MFAP1: variants seen among roughly 807,000 people sequenced by gnomAD.
MFAP1 encodes microfibrillar-associated protein 1.
A neutral mutation model predicts 62.2 loss-of-function variants in MFAP1; 18 were observed. That is an observed-to-expected ratio of 0.29 (90% CI 0.20 to 0.43). The LOEUF is 0.43. MFAP1 is among the 20% of genes least tolerant of loss of function. The pLI is 1.00. For missense variants in MFAP1, 355 were observed against 559.7 expected (o/e 0.63, Z 3.69); for synonymous variants, 175 against 180.4 (o/e 0.97, Z 0.24).
rs1341866372 is a variant in MFAP1 at position 43,814,545 on chromosome 15, ACTGT to A, written c.569_572del (p.Asp190ValfsTer20). 1.2e-6 allele frequency: 2 copies of A among 1,613,510 alleles called. No individual in the cohort carries two copies. The highest frequency in any genetic ancestry group is 1.1e-5 in the South Asian group (1 of 90,974). ...TAAGGCGAGGCTCCATCTCATCTTC[ACTGT>A]CTGTGTACTCTTCATACTCAGACTC... On this transcript the variant is annotated frameshift_variant, in exon 4 of 9. Coordinates refer to ENST00000267812, the MANE Select transcript of MFAP1 (RefSeq NM_005926.3). LOFTEE classifies it high-confidence loss of function.
rs2087440109 is a variant in MFAP1 at position 43,817,369 on chromosome 15, T to C, written c.159A>G (p.Ser53=). The change falls in exon 2 of 9, where the codon TCA becomes TCG. Residue 53 remains serine, a synonymous_variant. Transcript: ENST00000267812. ...ACTGAAATTCTTCATCCTCCTCATC[T>C]GAGGACTCCATAGGGGCATAGTCTG... The part of the protein sequence containing the change: ...KRPDYAPMES[S]DEEDEEFQFI... 6.2e-7 allele frequency: 1 copy of C among 1,614,188 alleles called. No individual in the cohort carries two copies. Among genetic ancestry groups the C allele is most frequent in the Non-Finnish European group, 8.5e-7 (1 of 1,180,028 alleles).
At chr15:43,824,315 A>AG (rs1187546980) in intron 1 of MFAP1, among the ~76,000 whole-genome samples, 176 bp downstream of exon 1, 1 of 152,018 alleles carries the variant, frequency 6.6e-6, no homozygotes, top group Non-Finnish European at 1.5e-5. Context: ...TGAATACGAG[A>AG]GCAGGCCACA....
rs1366593790 is a variant in MFAP1, at chr15:43,814,122, G to A, written c.617+379C>T. 3.3e-5 allele frequency among the ~76,000 whole-genome samples: 5 copies of A among 152,092 alleles called. No individual in the cohort carries two copies. The East Asian group carries it at 5.8e-4, about 18-fold the overall frequency. On this transcript the variant is annotated intron_variant, in intron 4 of 8. Coordinates refer to ENST00000267812, the MANE Select transcript of MFAP1 (RefSeq NM_005926.3). The stretch of plus-strand genomic sequence containing the variant: ...TACAAAATTAGCCAGGCGTGGTGGC[G>A]CATGCCTGTAATCCCAGCTACTCGG...
Position 43,804,527 on chromosome 15 carries a change from A to G in MFAP1, c.*567T>C, listed in dbSNP as rs1241807799. The stretch of plus-strand genomic sequence containing the variant: ...TTGTTATCTTTTACTTTAATAGGCA[A>G]TTAATACTTGTCAGCTTGGACATTT... On this transcript the variant is annotated 3_prime_UTR_variant, in exon 9 of 9. Coordinates refer to ENST00000267812, the MANE Select transcript of MFAP1 (RefSeq NM_005926.3). 2 of 152,250 alleles carry G rather than the reference A, an allele frequency of 1.3e-5. No homozygotes were observed. Among genetic ancestry groups the G allele is most frequent in the South Asian group, 2.1e-4 (1 of 4,834 alleles). The allele number at this position is 152,250 out of a possible 1,614,324, so 9.4% of individuals were successfully genotyped here.
chr15:43,810,259 T>G (rs2087390675), intron 6 of MFAP1: 1 of 207,568 alleles, frequency 4.8e-6, no homozygotes. Context: ...AATAAGTGTC[T>G]GAGGCTTTGC....
chr15:43,817,120 A>T lies in MFAP1; in HGVS notation c.299+109T>A. ...TCATAAAGTTATTGTATGGATTACA[A>T]GAATTAGCAAATGTAATCTACTTGG... On this transcript the variant is annotated intron_variant, in intron 2 of 8. Coordinates refer to ENST00000267812, the MANE Select transcript of MFAP1 (RefSeq NM_005926.3). 4 of 1,112,410 alleles carry T rather than the reference A, an allele frequency of 3.6e-6. No individual in the cohort carries two copies. In the South Asian group the frequency reaches 6.1e-5, roughly 17 times the overall value. The allele number at this position is 1,112,410 out of a possible 1,614,324, so 68.9% of individuals were successfully genotyped here.
At chr15:43,815,520 A>C (rs1426125745) in intron 2 of MFAP1, among the ~76,000 whole-genome samples, 1 of 152,170 alleles carries the variant, frequency 6.6e-6, no homozygotes, top group Non-Finnish European at 1.5e-5. Flanking sequence ...GTGCAGATTA[A>C]AGAAACTAAA....
chr15:43,812,845 C>T, intron 6 of MFAP1, 142 bp downstream of exon 6: 1 of 992,878 alleles, frequency 1.0e-6, no homozygotes, highest in Non-Finnish European at 1.5e-6. Context: ...AACTCATATT[C>T]CAATTATAGG....
intron 4 of MFAP1, among the ~76,000 whole-genome samples, chr15:43,814,104 T>G (rs969723209): frequency 3.3e-5 from 5 of 151,868 alleles, no homozygotes; most frequent in Admixed American, 3.3e-4. Flanking sequence ...AAATACAAAA[T>G]TAGCCAGGCG....
At chr15:43,823,975 A>T (rs1319782067) in intron 1 of MFAP1, among the ~76,000 whole-genome samples, 1 of 152,024 alleles carries the variant, frequency 6.6e-6, no homozygotes, top group East Asian at 1.9e-4. Context: ...CCCTGCCAAC[A>T]GGCATTCTCT....
In MFAP1 at chr15:43,804,618, T is replaced by C. The variant is rs1250984067; in HGVS notation, c.*476A>G. On this transcript the variant is annotated 3_prime_UTR_variant, in exon 9 of 9. Transcript: ENST00000267812. ...TCTTTTATTTCTTGACATGCACACA[T>C]ATATGGATCAAAAAGTATGTACAAC... The C allele has an allele frequency of 3.3e-5, 5 of 152,824 alleles. No homozygotes were observed. The highest frequency in any genetic ancestry group is 5.8e-5 in the Non-Finnish European group (4 of 68,520). 9.5% of individuals were successfully genotyped at this position (152,824 alleles called of 1,614,324 possible).
At chr15:43,807,333 A>C (rs1363360423) in intron 7 of MFAP1, among the ~76,000 whole-genome samples, 2 of 145,984 alleles carry the variant, frequency 1.4e-5, no homozygotes, top group African/African-American at 2.5e-5. Context: ...CCTAGGTGAC[A>C]AAAAAAAAAA....
chr15:43,820,777 T>A (rs1185604616), intron 1 of MFAP1, among the ~76,000 whole-genome samples: 5 of 152,066 alleles, frequency 3.3e-5, no homozygotes, highest in South Asian at 4.1e-4. Context: ...GTCTAATTTT[T>A]AAAATTTTTT....
In MFAP1 at chr15:43,815,152, A is replaced by G; in HGVS notation, c.300-78T>C. On this transcript the variant is annotated intron_variant, in intron 2 of 8. Coordinates refer to ENST00000267812, the MANE Select transcript of MFAP1 (RefSeq NM_005926.3). ...ATCAACTGCATTTCCATAGCCACAG[A>G]GCACATTATGTTTGCCTTCATTAAT... 3 of 1,575,354 alleles carry G rather than the reference A, an allele frequency of 1.9e-6. No homozygotes were observed. The South Asian group carries it at 3.4e-5, about 18-fold the overall frequency.
chr15:43,818,018 C>CTTTT (rs780258021), intron 1 of MFAP1, among the ~76,000 whole-genome samples: 6 of 131,740 alleles, frequency 4.6e-5, no homozygotes, highest in Non-Finnish European at 8.0e-5. Flanking sequence ...AAATACAATT[C>CTTTT]TTTTTTTTTT....
intron 2 of MFAP1, 111 bp downstream of exon 2, chr15:43,817,117 AC>A: frequency 9.2e-7 from 1 of 1,086,894 alleles, no homozygotes; most frequent in South Asian, 1.5e-5. Context: ...TGTATGGATT[AC>A]AAGAATTAGC....
chr15:43,821,600 G>A (rs1374798270), intron 1 of MFAP1, among the ~76,000 whole-genome samples: 1 of 152,126 alleles, frequency 6.6e-6, no homozygotes, highest in African/African-American at 2.4e-5. Context: ...GAAAATGGAT[G>A]GGGTGAGAAG....
chr15:43,807,195 A>C (rs2087371116), intron 7 of MFAP1, among the ~76,000 whole-genome samples: 1 of 151,758 alleles, frequency 6.6e-6, no homozygotes. Context: ...TACTAAAAAT[A>C]CAAAAACTAG....
At chr15:43,814,863 T>A in intron 3 of MFAP1, 82 bp downstream of exon 3, 1 of 1,570,952 alleles carries the variant, frequency 6.4e-7, no homozygotes, top group Non-Finnish European at 8.6e-7. Flanking sequence ...TGATCTCATG[T>A]TTTTAAGGCT....
Sources: allele counts gnomAD v4.1 joint callset (sites outside exome capture counted in the v4.1 genomes callset), GRCh38; gene constraint gnomAD v4.1.1; transcripts MANE v1.5; gene names NCBI Gene and HGNC (gene_info 2026-07-23, HGNC 2026-07-21).